Variants in FBXO41 observed in about 807,000 individuals in gnomAD.
The protein encoded by FBXO41 is F-box protein 41, also known as F-box only protein 41.
A neutral mutation model predicts 81.6 loss-of-function variants in FBXO41; 33 were observed. The observed-to-expected ratio is 0.40, with a 90% CI of 0.31 to 0.54. The LOEUF is 0.54. Ranked by LOEUF, FBXO41 falls within the 20% of genes least tolerant of loss-of-function variation. The pLI is 0.39. For synonymous variants in FBXO41, 576 were observed against 552.7 expected (o/e 1.04, Z -0.59); for missense variants, 1,107 against 1,236.0 (o/e 0.90, Z 1.56).
intron 5 of FBXO41, 23 bp from the exon 6 acceptor site, chr2:73,264,542 A>G (rs1255609625): frequency 6.2e-7 from 1 of 1,612,114 alleles, no homozygotes; most frequent in African/African-American, 1.3e-5. Flanking sequence ...AGGGGTTCAA[A>G]AGTGAGCGTG....
Position 73,269,699 on chromosome 2 carries a change from G to A in FBXO41, c.-69C>T, listed in dbSNP as rs1327811174. On this transcript the variant is annotated 5_prime_UTR_variant, in exon 2 of 13. Coordinates refer to ENST00000520530, the MANE Select transcript of FBXO41 (RefSeq NM_001371389.2). This position sits in a 1 kb window ranked among gnomAD's most constrained non-coding sequence, Gnocchi z 7.0. The stretch of plus-strand genomic sequence containing the variant: ...CCGCCGGTCAGCCGGGCGCGCTCAT[G>A]GGGGACCGCGGGCGAGGCCCCCTGC... The A allele has an allele frequency of 1.9e-6, 2 of 1,078,086 alleles. No individual in the cohort carries two copies. The highest frequency in any genetic ancestry group is 1.7e-5 in the African/African-American group (1 of 59,180). 66.8% of individuals were successfully genotyped at this position (1,078,086 alleles called of 1,614,324 possible). A position where few individuals can be genotyped will look rare whatever the true frequency, so the allele number is the denominator to read the frequency against.
Position 73,264,399 on chromosome 2 carries a change from G to T in FBXO41, c.1685C>A (p.Thr562Asn). ...KMRAALFCIF[T>N]YLDTRTLLHA... Reference sequence around the variant, plus strand: ...CAGCAGTGTGCGCGTGTCCAGGTAGGTGAAGATGCAGAAGAGGGCAGCTCG... The same window carrying T: ...CAGCAGTGTGCGCGTGTCCAGGTAGTTGAAGATGCAGAAGAGGGCAGCTCG... The change falls in exon 6 of 13, where the codon ACC (threonine) becomes AAC (asparagine). Residue 562 changes from threonine to asparagine, a missense_variant. Physicochemically the swap from Thr to Asn is moderately conservative, Grantham distance 65 (BLOSUM62 0). This residue lies in a region of FBXO41 where 336 missense variants were observed against 446.7 expected (regional missense o/e 0.75). Coordinates refer to ENST00000520530, the MANE Select transcript of FBXO41 (RefSeq NM_001371389.2). The T allele has an allele frequency of 6.2e-7, 1 of 1,613,898 alleles. No homozygotes were observed. Among genetic ancestry groups the T allele is most frequent in the African/African-American group, 1.3e-5 (1 of 75,062 alleles).
chr2:73,271,623 T>TGGCCCC, intron 1 of FBXO41: 1 of 107,670 alleles, frequency 9.3e-6, no homozygotes, highest in Admixed American at 9.6e-5. Context: ...AATTCTGCAC[T>TGGCCCC]CCCCCCCCCC....
rs1449365552 is a variant in FBXO41 at position 73,269,447 on chromosome 2, A to AGGCAGC, written c.178_183dup (p.Ala60_Ala61dup). The AGGCAGC allele has an allele frequency of 6.1e-6, 8 of 1,308,438 alleles. No homozygotes were observed. Among genetic ancestry groups the AGGCAGC allele is most frequent in the Non-Finnish European group, 7.7e-6 (8 of 1,032,514 alleles). 81.1% of individuals were successfully genotyped at this position (1,308,438 alleles called of 1,614,324 possible). On this transcript the variant is annotated inframe_insertion, in exon 2 of 13. Transcript: ENST00000520530. This position sits in a 1 kb window ranked among gnomAD's most constrained non-coding sequence, Gnocchi z 7.0. Reference sequence around the variant, plus strand: ...GGCTCGGGAGCCAGCGGGAACCCCGAGGCAGCGGCGGCGGCGGCCGCGGCG... The same window carrying AGGCAGC: ...GGCTCGGGAGCCAGCGGGAACCCCGAGGCAGCGGCAGCGGCGGCGGCGGCCGCGGCG...
At chr2:73,281,234 A>C (rs1688839141) in intron 1 of FBXO41, among the ~76,000 whole-genome samples, 1 of 152,210 alleles carries the variant, frequency 6.6e-6, no homozygotes, top group Non-Finnish European at 1.5e-5. Flanking sequence ...AAAACAGTGA[A>C]TACTTATCTA....
intron 1 of FBXO41, among the ~76,000 whole-genome samples, chr2:73,270,149 T>C (rs1662889627): frequency 6.6e-6 from 1 of 152,162 alleles, no homozygotes; most frequent in Non-Finnish European, 1.5e-5. Context: ...CAATATTATG[T>C]TGCATGAAAG....
At chr2:73,282,581 T>C (rs1219818198) in intron 1 of FBXO41, among the ~76,000 whole-genome samples, 1 of 152,142 alleles carries the variant, frequency 6.6e-6, no homozygotes, top group Non-Finnish European at 1.5e-5. Flanking sequence ...CATATGCCTG[T>C]GGTCCCAGCT....
Position 73,257,967 on chromosome 2 carries a change from G to A in FBXO41, c.*1015C>T, listed in dbSNP as rs1687875061. On this transcript the variant is annotated 3_prime_UTR_variant, in exon 13 of 13. Coordinates refer to ENST00000520530, the MANE Select transcript of FBXO41 (RefSeq NM_001371389.2). This position sits in a 1 kb window ranked among gnomAD's most constrained non-coding sequence, Gnocchi z 4.6. The stretch of plus-strand genomic sequence containing the variant: ...CAAGCTAATTAGACAAGGAAGCAAA[G>A]CAAGCCACCCTCCTCCTGGCTTCCT... The A allele has an allele frequency of 6.6e-6, 1 of 152,384 alleles. No homozygotes were observed. The highest frequency in any genetic ancestry group is 6.5e-5 in the Admixed American group (1 of 15,286). 9.4% of individuals were successfully genotyped at this position (152,384 alleles called of 1,614,324 possible). A position where few individuals can be genotyped will look rare whatever the true frequency, so the allele number is the denominator to read the frequency against.
intron 6 of FBXO41, 26 bp downstream of exon 6, chr2:73,264,252 C>T: frequency 6.2e-7 from 1 of 1,612,800 alleles, no homozygotes; most frequent in Non-Finnish European, 8.5e-7. Context: ...CACAGCAGGG[C>T]ACAGAAGGCA....
At chr2:73,274,835 G>A (rs1456536157) in intron 1 of FBXO41, among the ~76,000 whole-genome samples, 2 of 151,860 alleles carry the variant, frequency 1.3e-5, no homozygotes, top group Non-Finnish European at 2.9e-5. Context: ...CAAAGTGCTG[G>A]GATTATAGGC....
rs371450076 is a variant in FBXO41, at chr2:73,265,273, G to A, written c.1564+9C>T. The A allele has an allele frequency of 9.4e-4, 1,490 of 1,592,304 alleles. 22 individuals are homozygous for A. The South Asian group carries it at 0.013, about 14-fold the overall frequency. On this transcript the variant is annotated intron_variant, in intron 5 of 12. Coordinates refer to ENST00000520530, the MANE Select transcript of FBXO41 (RefSeq NM_001371389.2). The stretch of plus-strand genomic sequence containing the variant: ...CCTGTGTCCCCCTGCCCAGCCTTCC[G>A]GGACCTACCTGAGAGCCGGCAGCTG...
intron 2 of FBXO41, among the ~76,000 whole-genome samples, chr2:73,267,781 C>T (rs1688320934): frequency 6.6e-6 from 1 of 152,128 alleles, no homozygotes; most frequent in African/African-American, 2.4e-5. Flanking sequence ...CTTATATTAG[C>T]CTACAGTTGG....
chr2:73,276,597 A>AGAGAGG (rs1688693634), intron 1 of FBXO41, among the ~76,000 whole-genome samples: 3 of 105,700 alleles, frequency 2.8e-5, no homozygotes, highest in Admixed American at 9.0e-5. Context: ...AGAGAGAGAG[A>AGAGAGG]GAGAGAGGGA....
At chr2:73,283,445 C>A (rs1688903994) in intron 1 of FBXO41, among the ~76,000 whole-genome samples, 1 of 152,240 alleles carries the variant, frequency 6.6e-6, no homozygotes, top group Non-Finnish European at 1.5e-5. Context: ...CAAGGTCACA[C>A]ACAGGCTCCA....
chr2:73,266,551 A>G lies in FBXO41; in HGVS notation c.1037T>C (p.Ile346Thr). 2.5e-6 allele frequency: 4 copies of G among 1,609,390 alleles called. No homozygotes were observed. Among genetic ancestry groups the G allele is most frequent in the Non-Finnish European group, 3.4e-6 (4 of 1,178,606 alleles). Residue 346 changes from isoleucine to threonine, a missense_variant, in exon 3 of 13, where the codon ATC becomes ACC. Transcript: ENST00000520530. This position sits in a 1 kb window ranked among gnomAD's most constrained non-coding sequence, Gnocchi z 5.3. Reference sequence around the variant, plus strand: ...GGGCGTGCTGCCACAGCTGCTGCTGATGACCTGCAGCTGCCGCTCGGCACG... The same window carrying G: ...GGGCGTGCTGCCACAGCTGCTGCTGGTGACCTGCAGCTGCCGCTCGGCACG... ...ADRAERQLQV[I>T]SSSCGSTPSA...
chr2:73,265,327 G>A lies in FBXO41; in HGVS notation c.1519C>T (p.Pro507Ser). Residue 507 changes from proline (P) to serine (S), a missense_variant, in exon 5 of 13, where the codon CCC becomes TCC. By Grantham distance (74) the Pro-to-Ser change is moderately conservative. Around this residue, in one of 2 missense-constraint regions of FBXO41, gnomAD observed 771 missense variants for 789.2 expected, o/e 0.98. Coordinates refer to ENST00000520530, the MANE Select transcript of FBXO41 (RefSeq NM_001371389.2). ...AATGGCCCAGCCATAGCAGGCCCGG[G>A]GCGGGGCGCATCCAACGGGCCCTCA... ...EAEGPLDAPR[P>S]GPAMAGPLSS... The A allele has an allele frequency of 6.2e-7, 1 of 1,611,388 alleles. No homozygotes were observed. Among genetic ancestry groups the A allele is most frequent in the Non-Finnish European group, 8.5e-7 (1 of 1,179,694 alleles).
At chr2:73,265,176 A>T in intron 5 of FBXO41, 106 bp downstream of exon 5, 1 of 1,066,028 alleles carries the variant, frequency 9.4e-7, no homozygotes, top group Non-Finnish European at 1.3e-6. Context: ...GAAGGGCGCT[A>T]TGTAGGAGGG....
chr2:73,258,989 C>A lies in FBXO41; in HGVS notation c.2621G>T (p.Gly874Val). The A allele has an allele frequency of 1.3e-6, 2 of 1,580,440 alleles. No individual in the cohort carries two copies. Among genetic ancestry groups the A allele is most frequent in the South Asian group, 2.3e-5 (2 of 86,270 alleles). ...TGCCGCCCCCTACCCGGGTTAGCAG[C>A]CGCCTTCCACCTTGATGTGCAGAAT... ...SKILHIKVEG[G>V]C Residue 874 changes from glycine (G) to valine (V), a missense_variant, in exon 13 of 13, where the codon GGC becomes GTC. This residue lies in a region of FBXO41 where 336 missense variants were observed against 446.7 expected (regional missense o/e 0.75). Coordinates refer to ENST00000520530, the MANE Select transcript of FBXO41 (RefSeq NM_001371389.2).
In FBXO41 at chr2:73,258,700, T is replaced by C. The variant is rs112137477; in HGVS notation, c.*282A>G. 1 of 423,378 alleles carries C rather than the reference T, an allele frequency of 2.4e-6. No individual in the cohort carries two copies. 26.2% of individuals were successfully genotyped at this position (423,378 alleles called of 1,614,324 possible). On this transcript the variant is annotated 3_prime_UTR_variant, in exon 13 of 13. Coordinates refer to ENST00000520530, the MANE Select transcript of FBXO41 (RefSeq NM_001371389.2). ...AGGTGATGACACCAGGCGCTGGTGG[T>C]GACAGCTCCTCACTGGCTGTGCCAG...
Sources: gnomAD v4.1 joint callset for allele counts (sites outside exome capture counted in the v4.1 genomes callset) on GRCh38, gnomAD v4.1.1 for gene constraint, gnomAD v4.1.1 regional missense constraint, Gnocchi (gnomAD v3.1) non-coding constraint, MANE v1.5 for transcripts, NCBI Gene and HGNC (gene_info 2026-07-23, HGNC 2026-07-21) for gene names.